Variants in EEF2K observed in about 807,000 individuals in gnomAD.
EEF2K encodes the protein alternative protein EEF2K.
Under a neutral mutation model 93.8 loss-of-function variants are expected in EEF2K, and 70 were observed. That is an observed-to-expected ratio of 0.75 (90% CI 0.62 to 0.91). The LOEUF is 0.91. Among genes scored for constraint, EEF2K ranks in the 40% least tolerant of loss-of-function variants. EEF2K has a pLI of 0.00. For synonymous variants in EEF2K, 376 were observed against 380.8 expected, an observed-to-expected ratio of 0.99 and a Z score of 0.15; for missense variants, 935 against 972.9, an observed-to-expected ratio of 0.96 and a Z score of 0.52.
At chr16:22,259,984 C>G (rs2047446416) in intron 10 of EEF2K, among the ~76,000 whole-genome samples, 1 of 152,136 alleles carries the variant, frequency 6.6e-6, no homozygotes, top group Non-Finnish European at 1.5e-5. Context: ...AACTCCTGAC[C>G]TCAGGTGATC....
rs1477000612 is a variant in EEF2K at position 22,258,596 on chromosome 16, G to C, written c.1132G>C (p.Glu378Gln). The change falls in exon 10 of 18, where the codon GAG becomes CAG. Residue 378 changes from glutamate to glutamine, a missense_variant. Coordinates refer to ENST00000263026, the MANE Select transcript of EEF2K (RefSeq NM_013302.5). ...GCCACCCCTGCTCCGTCCCCTTTCA[G>C]AGAACTCTGGAGACGAGAACATGAG... is the stretch of plus-strand genomic sequence containing the variant. The part of the protein sequence containing the change: ...SRPPLLRPLS[E>Q]NSGDENMSDV... 6.2e-7 allele frequency: 1 copy of C among 1,614,118 alleles called. No homozygotes were observed. The highest frequency in any genetic ancestry group is 8.5e-7 in the Non-Finnish European group (1 of 1,180,040).
intron 12 of EEF2K, among the ~76,000 whole-genome samples, chr16:22,263,947 A>ATT (rs2047491639): frequency 6.6e-6 from 1 of 152,176 alleles, no homozygotes; most frequent in African/African-American, 2.4e-5. Flanking sequence ...GAGCCTGCAC[A>ATT]TCAAGGCCAG....
intron 2 of EEF2K, among the ~76,000 whole-genome samples, chr16:22,244,272 TGTGTGTGTG>T (rs2141664920): frequency 1.4e-5 from 1 of 71,094 alleles, no homozygotes; most frequent in African/African-American, 1.0e-4. Context: ...ATATGTATTG[TGTGTGTGTG>T]TGTGTGTGTG....
chr16:22,245,072 G>A (rs953661680), intron 3 of EEF2K, among the ~76,000 whole-genome samples: 1 of 151,902 alleles, frequency 6.6e-6, no homozygotes, highest in Non-Finnish European at 1.5e-5. Flanking sequence ...GACCAGCCTG[G>A]CCGACATGGT....
rs184772226 is a variant in EEF2K at position 22,286,688 on chromosome 16, G to C, written c.*2692G>C. 3 of 152,214 alleles carry C rather than the reference G, an allele frequency of 2.0e-5. No homozygotes were observed. The highest frequency in any genetic ancestry group is 2.1e-4 in the South Asian group (1 of 4,836). The allele number at this position is 152,214 out of a possible 1,614,324, so 9.4% of individuals were successfully genotyped here. A position where few individuals can be genotyped will look rare whatever the true frequency, so the allele number is the denominator to read the frequency against. On this transcript the variant is annotated 3_prime_UTR_variant, in exon 18 of 18. Coordinates refer to ENST00000263026, the MANE Select transcript of EEF2K (RefSeq NM_013302.5). ...AACCCTTGCTCTAACCCTTGACTGA[G>C]AGCTACTTTATTAAGCCCTGAGGGC...
chr16:22,267,013 A>C, intron 15 of EEF2K, 137 bp downstream of exon 15: 2 of 1,114,438 alleles, frequency 1.8e-6, no homozygotes, highest in Non-Finnish European at 2.5e-6. Flanking sequence ...AAAATGTCCC[A>C]GGCACTGGTT....
At chr16:22,266,933 G>A (rs1216280027) in intron 15 of EEF2K, 57 bp downstream of exon 15, 19 of 1,537,562 alleles carry the variant, frequency 1.2e-5, no homozygotes, top group Non-Finnish European at 1.7e-5. Flanking sequence ...TCACCCTGTG[G>A]TTCACCTGCC....
chr16:22,270,409 G>GC (rs1261660925), intron 15 of EEF2K, among the ~76,000 whole-genome samples: 2 of 152,154 alleles, frequency 1.3e-5, no homozygotes, highest in East Asian at 3.9e-4. Flanking sequence ...ACAGGTATGA[G>GC]CCACCATGCC....
chr16:22,236,108 T>G (rs1487984747), intron 2 of EEF2K, among the ~76,000 whole-genome samples: 1 of 152,086 alleles, frequency 6.6e-6, no homozygotes, highest in African/African-American at 2.4e-5. Flanking sequence ...GGTTTCCAGT[T>G]TTTTGCTGCT....
In EEF2K at chr16:22,257,638, C is replaced by T. The variant is rs1380752378; in HGVS notation, c.902-5C>T. On this transcript the variant is annotated splice_polypyrimidine_tract_variant and splice_region_variant and intron_variant, in intron 8 of 17. Transcript: ENST00000263026. ...ACACTCCAGACACCCCCGCTCTGTC[C>T]ACAGGTGTCCGCGGGATGGCGCTCT... The T allele has an allele frequency of 6.2e-7, 1 of 1,612,564 alleles. No homozygotes were observed. The highest frequency in any genetic ancestry group is 1.7e-5 in the Admixed American group (1 of 60,006).
chr16:22,229,983 T>G (rs1324234379), intron 2 of EEF2K, among the ~76,000 whole-genome samples: 3 of 152,294 alleles, frequency 2.0e-5, no homozygotes, highest in African/African-American at 7.2e-5. Context: ...CTAGCTGGAG[T>G]TACTCTGGGG....
chr16:22,255,606 A>G (rs2047390879), intron 6 of EEF2K, among the ~76,000 whole-genome samples: 1 of 152,224 alleles, frequency 6.6e-6, no homozygotes, highest in Non-Finnish European at 1.5e-5. Context: ...ACTCAAAGGA[A>G]AACAGAGCTG....
At chr16:22,261,792 G>A (rs935340914) in intron 11 of EEF2K, among the ~76,000 whole-genome samples, 1 of 151,814 alleles carries the variant, frequency 6.6e-6, no homozygotes, top group Non-Finnish European at 1.5e-5. Flanking sequence ...ACCACTTGAG[G>A]CCAGGAGTTT....
intron 1 of EEF2K, among the ~76,000 whole-genome samples, chr16:22,218,341 T>G (rs188120021): frequency 6.6e-5 from 10 of 152,304 alleles, no homozygotes; most frequent in South Asian, 2.1e-4. Context: ...AGTGTGTGCA[T>G]TGGCCAGCTC....
chr16:22,264,565 G>C (rs1261074831), intron 12 of EEF2K, among the ~76,000 whole-genome samples: 1 of 152,148 alleles, frequency 6.6e-6, no homozygotes, highest in African/African-American at 2.4e-5. Context: ...AGTTCCACCT[G>C]CTCACACACG....
intron 17 of EEF2K, among the ~76,000 whole-genome samples, chr16:22,282,689 C>T (rs536033587): frequency 1.2e-4 from 18 of 152,250 alleles, no homozygotes; most frequent in Non-Finnish European, 2.2e-4. Flanking sequence ...AAGGCCTGTG[C>T]CAGATGCTGG....
At chr16:22,257,204 G>A (rs775558865) in intron 7 of EEF2K, 49 bp from the exon 8 acceptor site, 2 of 1,613,466 alleles carry the variant, frequency 1.2e-6, no homozygotes, top group African/African-American at 2.7e-5. Context: ...TGCCTGCACA[G>A]ACCTCAGCCT....
chr16:22,219,625 C>G (rs1372005312), intron 1 of EEF2K, among the ~76,000 whole-genome samples: 2 of 152,080 alleles, frequency 1.3e-5, no homozygotes, highest in Non-Finnish European at 2.9e-5. Context: ...AAGACCCTTT[C>G]TCAAAAAATA....
intron 3 of EEF2K, among the ~76,000 whole-genome samples, chr16:22,247,037 CAAAAAAAAAAAAAAAAAAAAA>C (rs57073413): frequency 7.3e-5 from 1 of 13,696 alleles, no homozygotes; most frequent in African/African-American, 1.9e-4. Flanking sequence ...GACTCCATCT[CAAAAAAAAAAAAAAAAAAAAA>C]AAAAAAAAAG....
Sources: allele counts gnomAD v4.1 joint callset (sites outside exome capture counted in the v4.1 genomes callset), GRCh38; gene constraint gnomAD v4.1.1; transcripts MANE v1.5; gene names NCBI Gene and HGNC (gene_info 2026-07-23, HGNC 2026-07-21).